Variants in GABBR2 observed in about 807,000 individuals in gnomAD.
The protein encoded by GABBR2 is G-protein coupled receptor 51.
A neutral mutation model predicts 105.6 loss-of-function variants in GABBR2; 23 were observed. The observed-to-expected ratio is 0.22, with a 90% CI of 0.16 to 0.31. The LOEUF is 0.31. GABBR2 is among the 10% of genes least tolerant of loss of function. GABBR2 has a pLI of 1.00. For missense variants in GABBR2, 734 were observed against 1,245.5 expected, an observed-to-expected ratio of 0.59 and a Z score of 6.18; for synonymous variants, 478 against 499.7, an observed-to-expected ratio of 0.96 and a Z score of 0.58.
chr9:98,679,408 T>A (rs1830512694), intron 1 of GABBR2, among the ~76,000 whole-genome samples: 1 of 152,226 alleles, frequency 6.6e-6, no homozygotes, highest in Admixed American at 6.5e-5. Context: ...AGAAAATACC[T>A]GTGGAGAAGA....
At chr9:98,562,363 T>G (rs916916177) in intron 2 of GABBR2, among the ~76,000 whole-genome samples, 1 of 152,158 alleles carries the variant, frequency 6.6e-6, no homozygotes, top group African/African-American at 2.4e-5. Context: ...CCAAATAAAT[T>G]CCAATAAGGA....
At chr9:98,352,961 G>C (rs1831425111) in intron 13 of GABBR2, among the ~76,000 whole-genome samples, 1 of 152,128 alleles carries the variant, frequency 6.6e-6, no homozygotes. Context: ...TCTGGTGGGT[G>C]CTGGGCTCTC....
intron 1 of GABBR2, among the ~76,000 whole-genome samples, chr9:98,647,454 A>G (rs1180983810): frequency 1.3e-5 from 2 of 152,208 alleles, no homozygotes; most frequent in African/African-American, 4.8e-5. Context: ...AGATGGCCTC[A>G]AGTTTGATCT....
chr9:98,342,584 T>A (rs1468908085), intron 13 of GABBR2, among the ~76,000 whole-genome samples: 2 of 152,172 alleles, frequency 1.3e-5, no homozygotes, highest in African/African-American at 4.8e-5. Flanking sequence ...ACGGCCCCTG[T>A]GGAGTTCCAC....
chr9:98,570,887 C>A (rs1828820295), intron 2 of GABBR2, among the ~76,000 whole-genome samples: 1 of 152,200 alleles, frequency 6.6e-6, no homozygotes, highest in African/African-American at 2.4e-5. Context: ...GTCTGGCACA[C>A]TCTGATGACG....
intron 13 of GABBR2, among the ~76,000 whole-genome samples, chr9:98,328,208 C>A (rs1027069584): frequency 3.9e-5 from 6 of 151,904 alleles, no homozygotes; most frequent in African/African-American, 1.5e-4. Context: ...CTTCCTCCCC[C>A]TAGACTTCTT....
chr9:98,469,527 C>T (rs1312059276), intron 6 of GABBR2, among the ~76,000 whole-genome samples: 2 of 152,182 alleles, frequency 1.3e-5, no homozygotes, highest in African/African-American at 2.4e-5. Flanking sequence ...CCACTCCATG[C>T]CTCTCTCCTA....
At chr9:98,543,844 G>A (rs1421943332) in intron 2 of GABBR2, among the ~76,000 whole-genome samples, 2 of 151,534 alleles carry the variant, frequency 1.3e-5, no homozygotes, top group East Asian at 1.9e-4. Flanking sequence ...GTTTCTTGAT[G>A]TTGTTTATAG....
At chr9:98,327,955 G>A (rs7032827) in intron 13 of GABBR2, among the ~76,000 whole-genome samples, 14,860 of 149,588 alleles carry the variant, frequency 0.099, 896 homozygotes, top group Middle Eastern at 0.19. Flanking sequence ...CCAAGAAGCA[G>A]ATATGTAGTT....
chr9:98,579,357 C>T (rs567331002), intron 1 of GABBR2, among the ~76,000 whole-genome samples: 62 of 152,258 alleles, frequency 4.1e-4, no homozygotes, highest in African/African-American at 1.3e-3. Flanking sequence ...CAGGGGCCCA[C>T]GACGAGTATC....
rs1000440 is a variant in GABBR2, at chr9:98,496,599, T to C, written c.631-85A>G. ...CGAGGGGTCACCCTGGGGAAGTCAA[T>C]TGGGCAAAGCGATTTTCTCTACCGA... On this transcript the variant is annotated intron_variant, in intron 3 of 18. Transcript: ENST00000259455. The C allele has an allele frequency of 0.58, 514,946 of 881,838 alleles. 156,184 individuals are homozygous for C. The highest frequency in any genetic ancestry group is 0.68 in the African/African-American group (41,705 of 61,248). 54.6% of individuals were successfully genotyped at this position (881,838 alleles called of 1,614,324 possible).
chr9:98,291,063 G>A (rs1035390446), intron 18 of GABBR2, among the ~76,000 whole-genome samples: 1 of 152,088 alleles, frequency 6.6e-6, no homozygotes, highest in Non-Finnish European at 1.5e-5. Flanking sequence ...CTTGACTTAC[G>A]ATGGGGTTAC....
chr9:98,402,146 T>A (rs1386334078), intron 8 of GABBR2, among the ~76,000 whole-genome samples: 1 of 152,148 alleles, frequency 6.6e-6, no homozygotes, highest in Non-Finnish European at 1.5e-5. Context: ...CACATTATCA[T>A]TCCCCGAGAT....
chr9:98,403,548 C>A (rs916856686), intron 8 of GABBR2, among the ~76,000 whole-genome samples: 1 of 151,916 alleles, frequency 6.6e-6, no homozygotes, highest in East Asian at 1.9e-4. Context: ...ACCATGAATT[C>A]TGGAATGAGA....
intron 7 of GABBR2, among the ~76,000 whole-genome samples, chr9:98,435,943 A>G (rs1825893783): frequency 6.6e-6 from 1 of 151,802 alleles, no homozygotes. Context: ...AGCACTTTTC[A>G]CCATTTATAT....
chr9:98,619,318 T>C (rs1363691402), intron 1 of GABBR2, among the ~76,000 whole-genome samples: 2 of 151,540 alleles, frequency 1.3e-5, no homozygotes, highest in Non-Finnish European at 2.9e-5. Context: ...GAACCAAGAT[T>C]TGAGGGAGAT....
intron 1 of GABBR2, among the ~76,000 whole-genome samples, chr9:98,584,193 A>T (rs999093150): frequency 6.6e-6 from 1 of 151,286 alleles, no homozygotes; most frequent in Admixed American, 6.6e-5. Flanking sequence ...ACTGGTTGGC[A>T]TGGCCACAAC....
intron 1 of GABBR2, among the ~76,000 whole-genome samples, chr9:98,597,979 C>T (rs1829262056): frequency 6.6e-6 from 1 of 152,020 alleles, no homozygotes; most frequent in Non-Finnish European, 1.5e-5. Context: ...GCACCACCAC[C>T]TCCGGCTAAT....
intron 1 of GABBR2, among the ~76,000 whole-genome samples, chr9:98,690,003 C>T (rs1411836859): frequency 3.3e-5 from 5 of 152,182 alleles, no homozygotes; most frequent in Non-Finnish European, 4.4e-5. Context: ...CCTATTTCCT[C>T]CTAAAACTGA....
Sources: gnomAD v4.1 joint callset for allele counts (sites outside exome capture counted in the v4.1 genomes callset) on GRCh38, gnomAD v4.1.1 for gene constraint, MANE v1.5 for transcripts, NCBI Gene and HGNC (gene_info 2026-07-23, HGNC 2026-07-21) for gene names.